Variants in PCDHGA1 observed in about 807,000 individuals in gnomAD.
The protein encoded by PCDHGA1 is protocadherin gamma subfamily A, 1, also known as protocadherin gamma-A1.
In PCDHGA1, 32 loss-of-function variants were observed where a neutral mutation model predicts 58.0. The ratio of observed to expected loss-of-function variants is 0.55; its 90% confidence interval spans 0.42 to 0.74. The LOEUF (loss-of-function observed/expected upper bound fraction) is 0.74. Ranked by LOEUF, PCDHGA1 falls within the 30% of genes least tolerant of loss-of-function variation. The pLI is 0.00. For missense variants in PCDHGA1, 1,205 were observed against 1,182.3 expected (o/e 1.02, Z -0.28); for synonymous variants, 498 against 501.1 (o/e 0.99, Z 0.08).
At chr5:141,348,664 A>G (rs1348993454) in intron 1 of PCDHGA1, among the ~76,000 whole-genome samples, 1 of 152,194 alleles carries the variant, frequency 6.6e-6, no homozygotes, top group Non-Finnish European at 1.5e-5. Flanking sequence ...CATTTTCACT[A>G]AAAAGGATTT....
chr5:141,360,455 A>T lies in PCDHGA1; in HGVS notation c.2421+27350A>T, dbSNP rs369787624. ...CAGCCTCTGTGTGTTCTGGATTTCG[A>T]TACTGTCGCTGAAAATCCACTAAAT... On this transcript the variant is annotated intron_variant, in intron 1 of 3. Coordinates refer to ENST00000517417, the MANE Select transcript of PCDHGA1 (RefSeq NM_018912.3). The T allele has an allele frequency of 1.4e-5, 22 of 1,613,862 alleles. No individual in the cohort carries two copies. Among genetic ancestry groups the T allele is most frequent in the Non-Finnish European group, 1.7e-5 (20 of 1,179,882 alleles).
At chr5:141,421,044 C>T (rs556562994) in intron 1 of PCDHGA1, 3 of 548,494 alleles carry the variant, frequency 5.5e-6, no homozygotes, top group African/African-American at 1.9e-5. Context: ...CTCCCTCCCC[C>T]GCCTCTACCA....
intron 1 of PCDHGA1, chr5:141,398,760 C>T: frequency 6.2e-7 from 1 of 1,613,898 alleles, no homozygotes; most frequent in Non-Finnish European, 8.5e-7. Flanking sequence ...ATCGTTTAGT[C>T]CTGACTGCCT....
intron 1 of PCDHGA1, among the ~76,000 whole-genome samples, chr5:141,346,939 C>T (rs912318443): frequency 6.6e-6 from 1 of 152,116 alleles, no homozygotes; most frequent in Non-Finnish European, 1.5e-5. Context: ...ATATTTTATG[C>T]CCATGAAATT....
chr5:141,428,846 A>G (rs936271540), intron 1 of PCDHGA1: 1 of 143,414 alleles, frequency 7.0e-6, no homozygotes, highest in Non-Finnish European at 1.5e-5. Flanking sequence ...CATTTTCACC[A>G]TTTTTACGGG....
chr5:141,462,051 G>A (rs1370612703), intron 1 of PCDHGA1, among the ~76,000 whole-genome samples: 2 of 152,068 alleles, frequency 1.3e-5, no homozygotes, highest in African/African-American at 4.8e-5. Context: ...TTGAACTCCC[G>A]ACCTCAGGTG....
chr5:141,355,238 T>G, intron 1 of PCDHGA1: 1 of 1,612,564 alleles, frequency 6.2e-7, no homozygotes, highest in Non-Finnish European at 8.5e-7. Flanking sequence ...CACACCCGGC[T>G]GCTCCAGATC....
intron 1 of PCDHGA1, chr5:141,404,243 C>A: frequency 6.2e-7 from 1 of 1,613,810 alleles, no homozygotes; most frequent in Non-Finnish European, 8.5e-7. Flanking sequence ...AGGAACTCCG[C>A]CCCTGTCCAC....
chr5:141,384,588 G>A, intron 1 of PCDHGA1: 1 of 1,614,242 alleles, frequency 6.2e-7, no homozygotes, highest in Non-Finnish European at 8.5e-7. Flanking sequence ...CCGAGATCCT[G>A]TACCCGGCCC....
intron 1 of PCDHGA1, chr5:141,394,240 C>G (rs1392586422): frequency 6.2e-7 from 1 of 1,613,822 alleles, no homozygotes; most frequent in African/African-American, 1.3e-5. Flanking sequence ...TCCTTGACTG[C>G]ACACGACCCC....
chr5:141,375,129 T>C (rs749288394), intron 1 of PCDHGA1: 4 of 1,613,890 alleles, frequency 2.5e-6, no homozygotes, highest in Non-Finnish European at 2.5e-6. Context: ...GAAGTGGTTG[T>C]TACATCTGGA....
At chr5:141,409,867 C>T (rs376725837) in intron 1 of PCDHGA1, 35 of 1,612,662 alleles carry the variant, frequency 2.2e-5, no homozygotes, top group African/African-American at 2.1e-4. Flanking sequence ...TGGGAGACCG[C>T]AATGACAACG....
Position 141,424,165 on chromosome 5 carries a change from A to G in PCDHGA1, c.2422-70642A>G, listed in dbSNP as rs1328883463. 2.8e-5 allele frequency: 7 copies of G among 251,918 alleles called. No individual in the cohort carries two copies. The South Asian group carries it at 4.6e-4, about 17-fold the overall frequency. The allele number at this position is 251,918 out of a possible 1,614,324, so 15.6% of individuals were successfully genotyped here. On this transcript the variant is annotated intron_variant, in intron 1 of 3. Transcript: ENST00000517417. Reference sequence around the variant, plus strand: ...CTCCCTCTAGCTCTCCTTCTCATCTATCTATCTATACACATGCACACACAC... The same window carrying G: ...CTCCCTCTAGCTCTCCTTCTCATCTGTCTATCTATACACATGCACACACAC...
chr5:141,376,360 C>A lies in PCDHGA1; in HGVS notation c.2421+43255C>A, dbSNP rs1772602166. The stretch of plus-strand genomic sequence containing the variant: ...AGACCTATTCCCACGAGGTCTCACT[C>A]ACTGCAGACTCGCGTAAGAGTCATC... On this transcript the variant is annotated intron_variant, in intron 1 of 3. Transcript: ENST00000517417. 5 of 1,614,236 alleles carry A rather than the reference C, an allele frequency of 3.1e-6. No homozygotes were observed. In the African/African-American group the frequency reaches 6.7e-5, roughly 22 times the overall value.
In PCDHGA1 at chr5:141,487,186, A is replaced by G; in HGVS notation, c.2422-7621A>G. 4 of 1,613,760 alleles carry G rather than the reference A, an allele frequency of 2.5e-6. No individual in the cohort carries two copies. The highest frequency in any genetic ancestry group is 2.5e-6 in the Non-Finnish European group (3 of 1,179,662). ...TGTCCTTAGAGGAAGACACTCATCC[A>G]GTTGTCCCAGATCTTCGAGAATCTT... is the stretch of plus-strand genomic sequence containing the variant. On this transcript the variant is annotated intron_variant, in intron 1 of 3. Coordinates refer to ENST00000517417, the MANE Select transcript of PCDHGA1 (RefSeq NM_018912.3). This position sits in a 1 kb window ranked among gnomAD's most constrained non-coding sequence, Gnocchi z 5.0.
In PCDHGA1 at chr5:141,493,356, C is replaced by G. The variant is rs1303319550; in HGVS notation, c.2422-1451C>G. On this transcript the variant is annotated intron_variant, in intron 1 of 3. Transcript: ENST00000517417. The surrounding 1 kb of genome is among the most constrained non-coding windows in gnomAD (Gnocchi z 4.3). ...ACTCCAGAATGTGTGCTTTTAATTT[C>G]TTGGCACTTGGAACTTTAAAAGCTT... Among the ~76,000 whole-genome samples the G allele has an allele frequency of 6.6e-6, 1 of 152,182 alleles. No individual in the cohort carries two copies. The highest frequency in any genetic ancestry group is 1.5e-5 in the Non-Finnish European group (1 of 68,032).
At chr5:141,356,048 A>G (rs1266481574) in intron 1 of PCDHGA1, 1 of 1,613,848 alleles carries the variant, frequency 6.2e-7, no homozygotes, top group Non-Finnish European at 8.5e-7. Context: ...TCTTTCCGGA[A>G]AGTAAGAGAC....
chr5:141,394,962 A>G (rs971000405), intron 1 of PCDHGA1: 8 of 1,613,710 alleles, frequency 5.0e-6, no homozygotes, highest in Non-Finnish European at 6.8e-6. Context: ...GCTCAGGCTG[A>G]GGCGCTGGCA....
At chr5:141,393,143 T>G in intron 1 of PCDHGA1, 1 of 1,613,290 alleles carries the variant, frequency 6.2e-7, no homozygotes, top group Non-Finnish European at 8.5e-7. Context: ...ACACCCTGGT[T>G]GAGGATAAAG....
Sources: allele counts gnomAD v4.1 joint callset (sites outside exome capture counted in the v4.1 genomes callset), GRCh38; gene constraint gnomAD v4.1.1; non-coding constraint Gnocchi (gnomAD v3.1); transcripts MANE v1.5; gene names NCBI Gene and HGNC (gene_info 2026-07-23, HGNC 2026-07-21).